Variants in COMMD1 observed in about 807,000 individuals in gnomAD.
The protein encoded by COMMD1 is copper metabolism domain containing 1.
A neutral mutation model predicts 17.2 loss-of-function variants in COMMD1; 10 were observed. The ratio of observed to expected loss-of-function variants is 0.58; its 90% CI spans 0.36 to 0.99. The LOEUF (loss-of-function observed/expected upper bound fraction) is 0.99, where lower values mean the gene tolerates loss of function less well. COMMD1 is among the 50% of genes least tolerant of loss of function. The probability of loss-of-function intolerance (pLI) is 0.01; values close to 1 mark genes in which losing one functional copy is unlikely to be tolerated. For synonymous variants in COMMD1, 97 were observed against 91.6 expected (o/e 1.06, Z -0.34); for missense variants, 270 against 231.8 (o/e 1.17, Z -1.07).
intron 2 of COMMD1, among the ~76,000 whole-genome samples, chr2:62,054,510 A>T (rs527942250): frequency 1.2e-4 from 18 of 152,362 alleles, no homozygotes; most frequent in Admixed American, 1.0e-3. Context: ...GATACTATTT[A>T]AGCCAGAAAG....
intron 2 of COMMD1, among the ~76,000 whole-genome samples, chr2:62,006,381 G>C (rs1238901891): frequency 3.3e-5 from 5 of 151,704 alleles, no homozygotes; most frequent in Non-Finnish European, 7.4e-5. Flanking sequence ...TGGAAGCCAA[G>C]TACATACATA....
chr2:61,992,235 T>A (rs1337370807), intron 1 of COMMD1, among the ~76,000 whole-genome samples: 1 of 152,200 alleles, frequency 6.6e-6, no homozygotes, highest in Non-Finnish European at 1.5e-5. Flanking sequence ...TTTTTCAAAA[T>A]ACTTAACATC....
At chr2:61,994,103 C>T (rs1031135371) in intron 1 of COMMD1, among the ~76,000 whole-genome samples, 9 of 152,112 alleles carry the variant, frequency 5.9e-5, no homozygotes, top group African/African-American at 2.2e-4. Flanking sequence ...TCTCCTGCAT[C>T]GGCCTCTCGA....
At chr2:61,892,981 C>T (rs1669470199) in intron 1 of COMMD1, among the ~76,000 whole-genome samples, 1 of 151,824 alleles carries the variant, frequency 6.6e-6, no homozygotes. Context: ...GATTCTCCTG[C>T]CTCAACCTCC....
At chr2:62,098,148 C>A (rs1294532098) in intron 2 of COMMD1, among the ~76,000 whole-genome samples, 1 of 149,716 alleles carries the variant, frequency 6.7e-6, no homozygotes, top group Non-Finnish European at 1.5e-5. Context: ...GAGACTGTTT[C>A]CTTTCCTTTC....
At chr2:62,027,849 A>G (rs539513106) in intron 2 of COMMD1, among the ~76,000 whole-genome samples, 8 of 151,986 alleles carry the variant, frequency 5.3e-5, no homozygotes, top group Non-Finnish European at 1.2e-4. Context: ...TTTTTTGAAG[A>G]GACAATTTCT....
At chr2:61,907,307 A>G (rs753985467) in intron 1 of COMMD1, among the ~76,000 whole-genome samples, 2 of 152,144 alleles carry the variant, frequency 1.3e-5, no homozygotes, top group African/African-American at 2.4e-5. Flanking sequence ...GGGTTTCACT[A>G]TGTTGGCCAG....
intron 2 of COMMD1, among the ~76,000 whole-genome samples, chr2:62,009,970 T>C (rs908013222): frequency 1.3e-5 from 2 of 152,140 alleles, no homozygotes; most frequent in African/African-American, 4.8e-5. Flanking sequence ...AAATCAGAAG[T>C]ATTCAGTTAT....
At chr2:62,053,885 G>A (rs1421950794) in intron 2 of COMMD1, among the ~76,000 whole-genome samples, 5 of 152,166 alleles carry the variant, frequency 3.3e-5, no homozygotes, top group African/African-American at 4.8e-5. Flanking sequence ...TCTGCACAGC[G>A]AAAGAAATAA....
At chr2:61,945,457 A>G (rs1670880592) in intron 1 of COMMD1, among the ~76,000 whole-genome samples, 4 of 152,350 alleles carry the variant, frequency 2.6e-5, no homozygotes, top group Admixed American at 2.6e-4. Flanking sequence ...GAGAGTAAAG[A>G]TAGATCAAGC....
intron 2 of COMMD1, among the ~76,000 whole-genome samples, chr2:62,022,196 A>C (rs1387463137): frequency 6.6e-6 from 1 of 152,076 alleles, no homozygotes; most frequent in Non-Finnish European, 1.5e-5. Context: ...ACTGGTGAAT[A>C]TATGTCTGTT....
chr2:61,899,253 A>G (rs1416845275), intron 1 of COMMD1, among the ~76,000 whole-genome samples: 1 of 152,322 alleles, frequency 6.6e-6, no homozygotes, highest in East Asian at 1.9e-4. Flanking sequence ...TCCTCCCTTT[A>G]CCAGAAGGAA....
At position 62,088,339 on chromosome 2, in the gene COMMD1, A is replaced by G. The variant is rs75595299; in HGVS notation, c.463-47492A>G. 1.5e-3 allele frequency among the ~76,000 whole-genome samples: 225 copies of G among 152,026 alleles called. 5 individuals are homozygous for G. In the East Asian group the frequency reaches 0.039, roughly 26 times the overall value. ...GTCTTTAGCTCTCCCTTTTTCTCAA[A>G]AACTCAGATCTACATGTTTTAACTG... On this transcript the variant is annotated intron_variant, in intron 2 of 2. Transcript: ENST00000311832.
At chr2:62,083,919 C>T (rs1389538366) in intron 2 of COMMD1, among the ~76,000 whole-genome samples, 1 of 152,188 alleles carries the variant, frequency 6.6e-6, no homozygotes, top group East Asian at 1.9e-4. Flanking sequence ...TGTCTGTTGA[C>T]CACTCATCAA....
intron 2 of COMMD1, among the ~76,000 whole-genome samples, chr2:62,102,274 A>C (rs1672205066): frequency 6.6e-6 from 1 of 152,172 alleles, no homozygotes; most frequent in Admixed American, 6.5e-5. Flanking sequence ...TTATATAAAC[A>C]CCCTCTGTAC....
intron 1 of COMMD1, among the ~76,000 whole-genome samples, chr2:61,979,308 C>T (rs1671891661): frequency 6.6e-6 from 1 of 152,080 alleles, no homozygotes; most frequent in African/African-American, 2.4e-5. Flanking sequence ...GAAACCCCGT[C>T]TCTACTAAAA....
intron 2 of COMMD1, among the ~76,000 whole-genome samples, chr2:62,093,543 G>A (rs1432672891): frequency 6.6e-6 from 1 of 152,240 alleles, no homozygotes; most frequent in South Asian, 2.1e-4. Flanking sequence ...TCTCTTGAGG[G>A]GTAGATGCTT....
intron 2 of COMMD1, among the ~76,000 whole-genome samples, chr2:62,116,756 G>A (rs1672617752): frequency 6.6e-6 from 1 of 151,038 alleles, no homozygotes; most frequent in Non-Finnish European, 1.5e-5. Flanking sequence ...GGAAGCTGAG[G>A]CAGGCAGATT....
intron 2 of COMMD1, among the ~76,000 whole-genome samples, chr2:62,092,329 A>G (rs555379798): frequency 2.0e-5 from 3 of 152,324 alleles, no homozygotes; most frequent in East Asian, 1.9e-4. Context: ...TTGAGGGTTC[A>G]TGAGGACTGG....
Sources: allele counts gnomAD v4.1 joint callset (sites outside exome capture counted in the v4.1 genomes callset), GRCh38; gene constraint gnomAD v4.1.1; transcripts MANE v1.5; gene names NCBI Gene and HGNC (gene_info 2026-07-23, HGNC 2026-07-21).